Variants in TMPRSS15 observed in about 807,000 individuals in gnomAD.
TMPRSS15 encodes enteropeptidase.
TMPRSS15 carries 128 observed loss-of-function variants against 125.3 expected under a neutral mutation model. The observed-to-expected ratio is 1.02, with a 90% CI of 0.89 to 1.18. The LOEUF is 1.18. TMPRSS15 is among the 50% of genes most tolerant of loss of function. The pLI, the probability that TMPRSS15 is intolerant of heterozygous loss-of-function variation, is 0.00. For synonymous variants in TMPRSS15, 446 were observed against 423.2 expected, an observed-to-expected ratio of 1.05 and a Z score of -0.66; for missense variants, 1,283 against 1,212.7, an observed-to-expected ratio of 1.06 and a Z score of -0.86.
intron 11 of TMPRSS15, 130 bp downstream of exon 11, chr21:18,343,825 G>T (rs2075476407): frequency 8.7e-7 from 1 of 1,145,822 alleles, no homozygotes; most frequent in East Asian, 2.3e-5. Flanking sequence ...TTGCTTATCA[G>T]TTGGGAAAAG....
chr21:18,402,437 G>A (rs1351151283), intron 1 of TMPRSS15, among the ~76,000 whole-genome samples: 2 of 149,514 alleles, frequency 1.3e-5, no homozygotes, highest in African/African-American at 2.5e-5. Flanking sequence ...GCTGAGGCAG[G>A]AGAATCACTT....
intron 16 of TMPRSS15, among the ~76,000 whole-genome samples, chr21:18,321,885 A>G (rs1460822262): frequency 6.6e-6 from 1 of 152,158 alleles, no homozygotes; most frequent in Non-Finnish European, 1.5e-5. Context: ...CATCTGTCCT[A>G]TGTCTAGGAG....
intron 1 of TMPRSS15, among the ~76,000 whole-genome samples, chr21:18,450,674 G>T (rs149024121): frequency 1.3e-5 from 2 of 149,064 alleles, no homozygotes; most frequent in Admixed American, 1.3e-4. Flanking sequence ...CCACTTAAAG[G>T]CTTCTTCTTT....
chr21:18,439,140 T>C (rs1033697224), intron 1 of TMPRSS15, among the ~76,000 whole-genome samples: 1 of 152,216 alleles, frequency 6.6e-6, no homozygotes, highest in African/African-American at 2.4e-5. Context: ...GGTTTACACA[T>C]ATTCATCTCT....
At chr21:18,319,869 C>T (rs1174443874) in intron 16 of TMPRSS15, among the ~76,000 whole-genome samples, 2 of 152,164 alleles carry the variant, frequency 1.3e-5, no homozygotes, top group African/African-American at 4.8e-5. Context: ...TATTTGTATA[C>T]TCTACTTTAA....
At chr21:18,408,773 G>A (rs1177791793), upstream of TMPRSS15, among the ~76,000 whole-genome samples, 2 of 152,010 alleles carry the variant, frequency 1.3e-5, no homozygotes, top group African/African-American at 4.8e-5. Context: ...TATCATTGAG[G>A]ATTCTTAAGT....
chr21:18,348,366 G>C (rs1353943787), intron 10 of TMPRSS15, among the ~76,000 whole-genome samples: 1 of 152,104 alleles, frequency 6.6e-6, no homozygotes, highest in Non-Finnish European at 1.5e-5. Context: ...CAAAACTTCT[G>C]AGCATGTGCT....
intron 21 of TMPRSS15, among the ~76,000 whole-genome samples, chr21:18,289,310 C>G (rs2074804680): frequency 6.6e-6 from 1 of 152,116 alleles, no homozygotes; most frequent in Admixed American, 6.5e-5. Context: ...GTTGGGCTTT[C>G]AAGACCAGCC....
chr21:18,347,738 C>G (rs1364607026), intron 10 of TMPRSS15, among the ~76,000 whole-genome samples: 1 of 152,042 alleles, frequency 6.6e-6, no homozygotes, highest in Non-Finnish European at 1.5e-5. Flanking sequence ...TTCATAACCA[C>G]ATGGGAATTT....
intron 13 of TMPRSS15, among the ~76,000 whole-genome samples, chr21:18,337,369 G>T (rs1236902639): frequency 6.6e-6 from 1 of 152,056 alleles, no homozygotes; most frequent in Non-Finnish European, 1.5e-5. Context: ...TAAGCCAGGG[G>T]CCTGAAATGT....
chr21:18,396,210 T>C (rs1001195966), intron 3 of TMPRSS15, among the ~76,000 whole-genome samples: 1 of 152,196 alleles, frequency 6.6e-6, no homozygotes, highest in Non-Finnish European at 1.5e-5. Flanking sequence ...TCCTTTTCCA[T>C]TGCATCTTGA....
At chr21:18,317,207 A>G (rs1452018561) in intron 16 of TMPRSS15, among the ~76,000 whole-genome samples, 4 of 152,166 alleles carry the variant, frequency 2.6e-5, no homozygotes, top group African/African-American at 9.7e-5. Context: ...CTTGAAAGGA[A>G]TTATTCCTGT....
At chr21:18,292,072 A>G (rs1341525614) in intron 21 of TMPRSS15, among the ~76,000 whole-genome samples, 1 of 152,244 alleles carries the variant, frequency 6.6e-6, no homozygotes, top group African/African-American at 2.4e-5. Context: ...TACAATGGAA[A>G]GTCCAAATGT....
At chr21:18,311,207 C>G (rs1365118453) in intron 18 of TMPRSS15, among the ~76,000 whole-genome samples, 1 of 152,002 alleles carries the variant, frequency 6.6e-6, no homozygotes, top group Non-Finnish European at 1.5e-5. Context: ...CATAAAAGCA[C>G]AGGCAACCAA....
At chr21:18,419,318 C>T (rs2076187170) in intron 1 of TMPRSS15, among the ~76,000 whole-genome samples, 1 of 150,552 alleles carries the variant, frequency 6.6e-6, no homozygotes, top group South Asian at 2.1e-4. Context: ...CTCGGCCTCC[C>T]GGGTTCACGC....
intron 16 of TMPRSS15, among the ~76,000 whole-genome samples, chr21:18,323,222 C>T (rs2075256728): frequency 6.6e-6 from 1 of 152,078 alleles, no homozygotes. Context: ...ATGCCATGTG[C>T]TGTTAGTTTG....
At chr21:18,467,162 GA>G (rs1219536586) in intron 1 of TMPRSS15, among the ~76,000 whole-genome samples, 2 of 152,102 alleles carry the variant, frequency 1.3e-5, no homozygotes, top group African/African-American at 4.8e-5. Context: ...CACAGGAACA[GA>G]AAACCAAACA....
chr21:18,352,827 G>T, intron 10 of TMPRSS15, 76 bp downstream of exon 10: 1 of 1,437,722 alleles, frequency 7.0e-7, no homozygotes, highest in South Asian at 1.1e-5. Context: ...ACTTTACACT[G>T]CAGTACAACA....
chr21:18,326,514 AG>A lies in TMPRSS15; in HGVS notation c.1838del (p.Thr613MetfsTer47). On this transcript the variant is annotated frameshift_variant, in exon 16 of 25. Transcript: ENST00000284885. LOFTEE classifies it high-confidence loss of function. The stretch of plus-strand genomic sequence containing the variant: ...ACACATCGTTAGTGATGAGAAGCAC[AG>A]TCATTCTGTTGGTGGTAGAGAACAC... Reference protein sequence around the residue: ...KDVFSTTNRMTVLLITNDVLA... With the variant: ...KDVFSTTNRMXVLLITNDVLA... The A allele has an allele frequency of 6.2e-7, 1 of 1,614,138 alleles. No individual in the cohort carries two copies. The highest frequency in any genetic ancestry group is 8.5e-7 in the Non-Finnish European group (1 of 1,179,958).
Sources: gnomAD v4.1 joint callset for allele counts (sites outside exome capture counted in the v4.1 genomes callset) on GRCh38, gnomAD v4.1.1 for gene constraint, MANE v1.5 for transcripts, NCBI Gene and HGNC (gene_info 2026-07-23, HGNC 2026-07-21) for gene names.